The following CAMKK2 variants were observed in gnomAD, a reference collection of about 807,000 sequenced individuals.
The protein encoded by CAMKK2 is calcium/calmodulin dependent protein kinase kinase 2, also known as calcium/calmodulin-dependent protein kinase kinase 2.
A neutral mutation model predicts 67.2 loss-of-function variants in CAMKK2; 30 were observed. That is an observed-to-expected ratio of 0.45 (90% CI 0.33 to 0.61). CAMKK2 has a LOEUF of 0.61. Ranked by LOEUF, CAMKK2 falls within the 20% of genes least tolerant of loss-of-function variation. The pLI, the probability that CAMKK2 is intolerant of heterozygous loss-of-function variation, is 0.02. For synonymous variants in CAMKK2, 322 were observed against 326.2 expected (o/e 0.99, Z 0.14); for missense variants, 643 against 802.0 (o/e 0.80, Z 2.39).
chr12:121,242,964 G>A (rs1285147482), intron 16 of CAMKK2, among the ~76,000 whole-genome samples: 2 of 150,582 alleles, frequency 1.3e-5, no homozygotes, highest in Non-Finnish European at 2.9e-5. Context: ...GGATGGTCTC[G>A]ATCTCCTGAC....
chr12:121,273,712 T>C (rs1151882), intron 2 of CAMKK2, among the ~76,000 whole-genome samples: 23,134 of 151,894 alleles, frequency 0.15, 2,594 homozygotes, highest in African/African-American at 0.32. Flanking sequence ...TGAGTATAAA[T>C]ACCCCAGCTC....
At position 121,266,801 on chromosome 12, in the gene CAMKK2, T is replaced by C. The variant is rs1448918497; in HGVS notation, c.625+1837A>G. 2.6e-5 allele frequency among the ~76,000 whole-genome samples: 4 copies of C among 151,614 alleles called. No individual in the cohort carries two copies. In the East Asian group the frequency reaches 7.8e-4, roughly 30 times the overall value. ...GCCACCATGCCTGGCTGTTTGTTCT[T>C]ATCTAATTTCTCTTTTTGGCCCAAG... On this transcript the variant is annotated intron_variant, in intron 5 of 16. Transcript: ENST00000404169.
intron 7 of CAMKK2, among the ~76,000 whole-genome samples, chr12:121,256,140 A>G (rs1342128509): frequency 6.6e-6 from 1 of 152,226 alleles, no homozygotes; most frequent in Non-Finnish European, 1.5e-5. Flanking sequence ...ACACTCTGGG[A>G]GGCCGAGGTG....
rs1450431945 is a variant in CAMKK2 at position 121,286,906 on chromosome 12, T to TG, written c.-60+9731dup. ...CGACCCTCAGTTGGCTTCCTTTTTTTGGGGGGCGGGGCGGTTGGGGACAGG... is the reference window on the plus strand; with the variant it reads ...CGACCCTCAGTTGGCTTCCTTTTTTTGGGGGGGCGGGGCGGTTGGGGACAGG... On this transcript the variant is annotated intron_variant, in intron 1 of 16. Transcript: ENST00000404169. Among the ~76,000 whole-genome samples, 5 of 151,826 alleles carry TG rather than the reference T, an allele frequency of 3.3e-5. No individual in the cohort carries two copies. In the East Asian group the frequency reaches 7.8e-4, roughly 24 times the overall value.
At chr12:121,259,572 CATTT>C (rs1276954836) in intron 7 of CAMKK2, among the ~76,000 whole-genome samples, 3 of 152,130 alleles carry the variant, frequency 2.0e-5, no homozygotes, top group Non-Finnish European at 4.4e-5. Flanking sequence ...CCCCAAACTT[CATTT>C]ATTTGCCTAC....
chr12:121,276,763 A>G (rs11065518), intron 1 of CAMKK2, among the ~76,000 whole-genome samples: 1,941 of 151,716 alleles, frequency 0.013, 56 homozygotes, highest in African/African-American at 0.044. Flanking sequence ...GCTCATGCCT[A>G]TAATCCTAGC....
intron 7 of CAMKK2, among the ~76,000 whole-genome samples, chr12:121,256,657 C>T (rs577015071): frequency 3.3e-4 from 50 of 152,222 alleles, no homozygotes; most frequent in African/African-American, 1.2e-3. Flanking sequence ...CACTATGTGG[C>T]CTTTTGTGTC....
chr12:121,273,289 A>C (rs1450305975), intron 2 of CAMKK2, among the ~76,000 whole-genome samples: 1 of 151,948 alleles, frequency 6.6e-6, no homozygotes, highest in Non-Finnish European at 1.5e-5. Flanking sequence ...AGGTGGTTCC[A>C]AGCAGAAGGA....
chr12:121,279,996 T>TC (rs923006055), intron 1 of CAMKK2, among the ~76,000 whole-genome samples: 2 of 151,992 alleles, frequency 1.3e-5, no homozygotes, highest in Non-Finnish European at 2.9e-5. Flanking sequence ...CTGTGCAGGC[T>TC]CCCCCGAGGT....
At chr12:121,255,327 T>TAAAATTATATATAA (rs1891930495) in intron 9 of CAMKK2, among the ~76,000 whole-genome samples, 1 of 33,866 alleles carries the variant, frequency 3.0e-5, no homozygotes, top group Non-Finnish European at 5.3e-5. Flanking sequence ...TATATATATA[T>TAAAATTATATATAA]AATTATATAT....
At chr12:121,282,738 C>G (rs1151892) in intron 1 of CAMKK2, among the ~76,000 whole-genome samples, 3,457 of 150,828 alleles carry the variant, frequency 0.023, 136 homozygotes, top group African/African-American at 0.08. Context: ...CAGAATATAT[C>G]TCTGTTCTTT....
At chr12:121,246,979 A>G (rs1889606340) in intron 14 of CAMKK2, among the ~76,000 whole-genome samples, 1 of 152,080 alleles carries the variant, frequency 6.6e-6, no homozygotes, top group African/African-American at 2.4e-5. Flanking sequence ...ACCACTTCCC[A>G]GTATCTACCC....
intron 16 of CAMKK2, among the ~76,000 whole-genome samples, chr12:121,242,717 G>A (rs1484865271): frequency 3.9e-5 from 6 of 152,174 alleles, no homozygotes; most frequent in Admixed American, 1.3e-4. Context: ...TGACTCCCAC[G>A]GGATGGGTGG....
chr12:121,268,083 C>CATATATATAT (rs71850101), intron 5 of CAMKK2, among the ~76,000 whole-genome samples: 5,367 of 96,914 alleles, frequency 0.055, 560 homozygotes, highest in Middle Eastern at 0.1. Context: ...CCATTGGATG[C>CATATATATAT]ATATATATAT....
intron 9 of CAMKK2, among the ~76,000 whole-genome samples, chr12:121,254,974 C>A (rs1029498288): frequency 1.3e-5 from 2 of 151,388 alleles, no homozygotes; most frequent in Admixed American, 6.6e-5. Flanking sequence ...TAATCAGCTG[C>A]CAGCGAATAT....
At chr12:121,269,200 G>A (rs999681169) in intron 4 of CAMKK2, among the ~76,000 whole-genome samples, 10 of 152,112 alleles carry the variant, frequency 6.6e-5, no homozygotes, top group Non-Finnish European at 1.5e-4. Context: ...TCAAAACTAC[G>A]CTGGACTGAC....
chr12:121,268,039 G>T (rs999068893), intron 5 of CAMKK2, among the ~76,000 whole-genome samples: 1 of 132,082 alleles, frequency 7.6e-6, no homozygotes, highest in East Asian at 2.2e-4. Flanking sequence ...GGCATGAATT[G>T]GTACTTCATT....
chr12:121,271,221 C>T (rs1211410883), intron 2 of CAMKK2, among the ~76,000 whole-genome samples: 4 of 147,824 alleles, frequency 2.7e-5, no homozygotes, highest in South Asian at 4.2e-4. Flanking sequence ...GTTGCTTGAG[C>T]GGAGATTGCA....
Position 121,253,347 on chromosome 12 carries a change from A to G in CAMKK2, c.1033T>C (p.Ser345Pro). Residue 345 changes from serine (S) to proline (P), a missense_variant, in exon 10 of 17, where the codon TCC becomes CCC. Coordinates refer to ENST00000404169, the MANE Select transcript of CAMKK2 (RefSeq NM_001270485.2). The surrounding 1 kb of genome is among the most constrained non-coding windows in gnomAD (Gnocchi z 5.0). ...AAGGCGGGCGTGCCCACGGTGTTGG[A>G]GAGGAGCGCGTCACTGCCCTTGAAT... is the stretch of plus-strand genomic sequence containing the variant. ...NEFKGSDALL[S>P]NTVGTPAFMA... The G allele has an allele frequency of 6.2e-7, 1 of 1,614,180 alleles. No individual in the cohort carries two copies. Among genetic ancestry groups the G allele is most frequent in the Admixed American group, 1.7e-5 (1 of 60,014 alleles).
Sources: allele counts gnomAD v4.1 joint callset (sites outside exome capture counted in the v4.1 genomes callset), GRCh38; gene constraint gnomAD v4.1.1; non-coding constraint Gnocchi (gnomAD v3.1); transcripts MANE v1.5; gene names NCBI Gene and HGNC (gene_info 2026-07-23, HGNC 2026-07-21).